Variants in TBC1D5 observed in about 807,000 individuals in gnomAD.
The protein encoded by TBC1D5 is TBC1 domain family, member 5.
A neutral mutation model predicts 100.3 loss-of-function variants in TBC1D5; 75 were observed. The ratio of observed to expected loss-of-function variants is 0.75; its 90% CI spans 0.62 to 0.91. TBC1D5 has a LOEUF of 0.91. Among genes scored for constraint, TBC1D5 ranks in the 40% least tolerant of loss-of-function variants. TBC1D5 has a pLI of 0.00. For missense variants in TBC1D5, 910 were observed against 942.4 expected (o/e 0.97, Z 0.45); for synonymous variants, 323 against 325.6 (o/e 0.99, Z 0.09).
chr3:17,315,183 C>A (rs1452493905), intron 13 of TBC1D5, among the ~76,000 whole-genome samples: 1 of 152,242 alleles, frequency 6.6e-6, no homozygotes, highest in Non-Finnish European at 1.5e-5. Flanking sequence ...TCTAACCATT[C>A]AGCCAATGGC....
intron 14 of TBC1D5, among the ~76,000 whole-genome samples, chr3:17,295,592 A>T (rs527981248): frequency 1.3e-5 from 2 of 152,390 alleles, no homozygotes; most frequent in African/African-American, 4.8e-5. Flanking sequence ...GAAAGTTTAA[A>T]GCAATGTGGA....
At chr3:17,600,756 G>A (rs11921699) in intron 2 of TBC1D5, among the ~76,000 whole-genome samples, 10,296 of 152,038 alleles carry the variant, frequency 0.068, 704 homozygotes, top group African/African-American at 0.18. Context: ...CTCTAAGTCA[G>A]TTGGTTATTA....
intron 18 of TBC1D5, among the ~76,000 whole-genome samples, chr3:17,191,349 G>A (rs1408048959): frequency 6.6e-6 from 1 of 152,178 alleles, no homozygotes; most frequent in Non-Finnish European, 1.5e-5. Flanking sequence ...AGGTTTTCCA[G>A]ATTAAATACT....
chr3:17,433,047 T>C (rs1241372788), intron 3 of TBC1D5, among the ~76,000 whole-genome samples: 2 of 145,796 alleles, frequency 1.4e-5, no homozygotes, highest in African/African-American at 4.9e-5. Context: ...ACCCCATCCC[T>C]GGCACTGTAG....
chr3:17,325,884 A>T (rs283936), intron 13 of TBC1D5, among the ~76,000 whole-genome samples: 75,850 of 151,940 alleles, frequency 0.5, 20,389 homozygotes, highest in African/African-American at 0.67. Context: ...ACTTAAAAAA[A>T]ATGACCTATA....
intron 3 of TBC1D5, among the ~76,000 whole-genome samples, chr3:17,496,318 T>G (rs116741137): frequency 0.023 from 3,484 of 152,290 alleles, 112 homozygotes; most frequent in African/African-American, 0.078. Context: ...CAAATTAAAT[T>G]GAAGAGCATT....
At position 17,627,741 on chromosome 3, in the gene TBC1D5, C is replaced by G. The variant is rs1222777548; in HGVS notation, c.-100-3828G>C. On this transcript the variant is annotated intron_variant, in intron 1 of 21. Coordinates refer to ENST00000253692, the Ensembl canonical transcript of TBC1D5. ...GACGAAAACTAAATATCTGAGGAAA[C>G]AAAAACTTTTAAACATATAATTTCT... Among the ~76,000 whole-genome samples the G allele has an allele frequency of 2.0e-5, 3 of 150,510 alleles. No individual in the cohort carries two copies. The East Asian group carries it at 5.8e-4, about 29-fold the overall frequency.
At chr3:17,707,307 C>A (rs928404903) in intron 1 of TBC1D5, among the ~76,000 whole-genome samples, 1 of 152,008 alleles carries the variant, frequency 6.6e-6, no homozygotes, top group African/African-American at 2.4e-5. Context: ...AAAGCTTTCA[C>A]TATGACATTA....
chr3:17,431,002 G>A (rs547031488), intron 3 of TBC1D5, among the ~76,000 whole-genome samples: 3 of 151,842 alleles, frequency 2.0e-5, no homozygotes, highest in Non-Finnish European at 4.4e-5. Flanking sequence ...AACAACTTCC[G>A]CCAGTTTGGG....
intron 18 of TBC1D5, among the ~76,000 whole-genome samples, chr3:17,195,593 T>C (rs1183657596): frequency 1.3e-5 from 2 of 152,144 alleles, no homozygotes; most frequent in Non-Finnish European, 2.9e-5. Context: ...TTGCACAACT[T>C]ATTCTCTGGG....
At chr3:17,679,260 A>C (rs1285882478) in intron 1 of TBC1D5, among the ~76,000 whole-genome samples, 1 of 151,300 alleles carries the variant, frequency 6.6e-6, no homozygotes, top group East Asian at 1.9e-4. Flanking sequence ...CACCCTCCTA[A>C]AACAGAAGGT....
At chr3:17,345,512 C>G (rs1362964508) in intron 13 of TBC1D5, among the ~76,000 whole-genome samples, 1 of 152,034 alleles carries the variant, frequency 6.6e-6, no homozygotes, top group Non-Finnish European at 1.5e-5. Flanking sequence ...GTCAGTGTGG[C>G]GATTCCTCAG....
chr3:17,657,371 C>G lies in TBC1D5; in HGVS notation c.-100-33458G>C, dbSNP rs561922713. ...TTTTGCGGGGGGACAGAGTCTCACT[C>G]TGTCGCGAGGCTGGAGTGCAGTGGC... is the stretch of plus-strand genomic sequence containing the variant. On this transcript the variant is annotated intron_variant, in intron 1 of 21. Coordinates refer to ENST00000253692, the Ensembl canonical transcript of TBC1D5. Among the ~76,000 whole-genome samples the G allele has an allele frequency of 1.6e-3, 226 of 138,904 alleles. 1 individual carries two copies. Among genetic ancestry groups the G allele is most frequent in the African/African-American group, 6.0e-3 (223 of 37,416 alleles). 91.1% of individuals were successfully genotyped at this position (138,904 alleles called of 152,430 possible). A position where few individuals can be genotyped will look rare whatever the true frequency, so the allele number is the denominator to read the frequency against.
At chr3:17,648,662 G>T (rs552279938) in intron 1 of TBC1D5, among the ~76,000 whole-genome samples, 4 of 150,592 alleles carry the variant, frequency 2.7e-5, no homozygotes, top group South Asian at 4.2e-4. Flanking sequence ...CTGAAAAGTC[G>T]CCAAAAAACA....
At chr3:17,194,000 T>C (rs2070323221) in intron 18 of TBC1D5, among the ~76,000 whole-genome samples, 1 of 152,204 alleles carries the variant, frequency 6.6e-6, no homozygotes, top group South Asian at 2.1e-4. Flanking sequence ...ATTTTTTCGA[T>C]CTTTAATATG....
intron 13 of TBC1D5, among the ~76,000 whole-genome samples, chr3:17,345,840 T>C (rs1206011914): frequency 6.6e-6 from 1 of 151,726 alleles, no homozygotes; most frequent in Non-Finnish European, 1.5e-5. Flanking sequence ...AAACACCCCA[T>C]ATTCTCACTC....
intron 17 of TBC1D5, 118 bp downstream of exon 18, chr3:17,233,566 AG>A: frequency 1.7e-6 from 1 of 588,126 alleles, no homozygotes; most frequent in Admixed American, 3.6e-5. Context: ...GAACAATGGT[AG>A]TGAATTGAAA....
chr3:17,739,596 T>A (rs1373627789), exon 1 of TBC1D5: 1 of 152,242 alleles, frequency 6.6e-6, no homozygotes, highest in Admixed American at 6.5e-5. Context: ...CAGTGACTAC[T>A]GGTCCAGTGA....
At chr3:17,262,842 G>T (rs970374049) in intron 15 of TBC1D5, among the ~76,000 whole-genome samples, 13 of 151,956 alleles carry the variant, frequency 8.6e-5, no homozygotes, top group African/African-American at 3.1e-4. Context: ...AAGAAAGATA[G>T]CAAAATGGTA....
Sources: gnomAD v4.1 joint callset for allele counts (sites outside exome capture counted in the v4.1 genomes callset) on GRCh38, gnomAD v4.1.1 for gene constraint, MANE v1.5 for transcripts, NCBI Gene and HGNC (gene_info 2026-07-23, HGNC 2026-07-21) for gene names.